Variants in EDARADD observed in about 807,000 individuals in gnomAD.
The protein encoded by EDARADD is EDAR associated via death domain.
A neutral mutation model predicts 25.6 loss-of-function variants in EDARADD; 20 were observed. That is an observed-to-expected ratio of 0.78 (90% CI 0.55 to 1.14). The LOEUF (loss-of-function observed/expected upper bound fraction) is 1.14. EDARADD is among the 50% of genes most tolerant of loss of function. The probability of loss-of-function intolerance (pLI) is 0.00; values close to 1 mark genes in which losing one functional copy is unlikely to be tolerated. For synonymous variants in EDARADD, 86 were observed against 94.4 expected, an observed-to-expected ratio of 0.91 and a Z score of 0.52; for missense variants, 225 against 270.1, an observed-to-expected ratio of 0.83 and a Z score of 1.17.
chr1:236,465,496 C>T (rs933901454), intron 4 of EDARADD, among the ~76,000 whole-genome samples: 48 of 152,196 alleles, frequency 3.2e-4, no homozygotes, highest in African/African-American at 1.1e-3. Context: ...GCCCAGATTT[C>T]AGCAGGGTCC....
At chr1:236,361,454 C>T (rs771093785) in intron 3 of EDARADD, among the ~76,000 whole-genome samples, 20 of 151,834 alleles carry the variant, frequency 1.3e-4, no homozygotes, top group Non-Finnish European at 2.1e-4. Flanking sequence ...CTCAGCCTCC[C>T]GAGTAACTGG....
intron 1 of EDARADD, 132 bp from the exon 2 acceptor site, chr1:236,409,084 A>G (rs908493796): frequency 3.9e-6 from 2 of 508,650 alleles, no homozygotes; most frequent in South Asian, 4.2e-5. Context: ...AAAAAAAAAA[A>G]AAAGGAGTAA....
At chr1:236,367,067 G>C (rs886685764) in intron 3 of EDARADD, among the ~76,000 whole-genome samples, 1 of 138,530 alleles carries the variant, frequency 7.2e-6, no homozygotes, top group Admixed American at 7.4e-5. Flanking sequence ...CTGGGCGACA[G>C]AGTGAGACTC....
chr1:236,391,199 T>C (rs1667422978), upstream of EDARADD, among the ~76,000 whole-genome samples: 2 of 152,092 alleles, frequency 1.3e-5, no homozygotes, highest in Admixed American at 6.6e-5. Context: ...AGCAATGCCC[T>C]GAAAGGCTGT....
At chr1:236,442,240 C>T (rs558102586) in intron 4 of EDARADD, among the ~76,000 whole-genome samples, 3 of 152,212 alleles carry the variant, frequency 2.0e-5, no homozygotes, top group East Asian at 3.9e-4. Flanking sequence ...ATTTTCGTGC[C>T]TCCACCTCCC....
At chr1:236,371,437 G>A (rs1667170980) in intron 3 of EDARADD, among the ~76,000 whole-genome samples, 1 of 151,872 alleles carries the variant, frequency 6.6e-6, no homozygotes, top group Non-Finnish European at 1.5e-5. Context: ...TTGTCTTATT[G>A]CCTTAGCTTG....
intron 4 of EDARADD, among the ~76,000 whole-genome samples, chr1:236,464,195 C>A (rs1300047040): frequency 6.6e-6 from 1 of 152,122 alleles, no homozygotes; most frequent in Non-Finnish European, 1.5e-5. Context: ...CTCGTCTACT[C>A]CTCACCAAAT....
intron 1 of EDARADD, among the ~76,000 whole-genome samples, chr1:236,401,808 C>T (rs555863486): frequency 1.9e-4 from 29 of 152,110 alleles, no homozygotes; most frequent in Non-Finnish European, 3.2e-4. Flanking sequence ...TAACTTTCTT[C>T]GGAAACAGAG....
intron 3 of EDARADD, among the ~76,000 whole-genome samples, chr1:236,373,476 G>T (rs746700118): frequency 2.0e-5 from 3 of 152,230 alleles, no homozygotes; most frequent in Non-Finnish European, 2.9e-5. Context: ...GAATTGCTGG[G>T]ATTACAGGCA....
intron 1 of EDARADD, among the ~76,000 whole-genome samples, chr1:236,404,336 T>A (rs1222153057): frequency 1.3e-5 from 2 of 152,176 alleles, no homozygotes; most frequent in African/African-American, 4.8e-5. Flanking sequence ...ATAACCAGGA[T>A]CTGCTCTCCT....
upstream of EDARADD, among the ~76,000 whole-genome samples, chr1:236,391,998 C>A (rs1048910054): frequency 6.6e-6 from 1 of 152,202 alleles, no homozygotes; most frequent in Non-Finnish European, 1.5e-5. Flanking sequence ...TTTAAACTTT[C>A]ATTTCTCCAG....
chr1:236,481,611 A>AG (rs1324400352), intron 5 of EDARADD, among the ~76,000 whole-genome samples: 2 of 151,196 alleles, frequency 1.3e-5, no homozygotes, highest in East Asian at 1.9e-4. Flanking sequence ...AAAAAAAAAA[A>AG]AAAGAAAGAA....
chr1:236,358,314 A>G (rs1483192166), intron 3 of EDARADD, among the ~76,000 whole-genome samples: 1 of 152,246 alleles, frequency 6.6e-6, no homozygotes, highest in African/African-American at 2.4e-5. Flanking sequence ...CTGTTGCCCA[A>G]TTCTACAATC....
chr1:236,458,625 G>C (rs959133325), intron 4 of EDARADD, among the ~76,000 whole-genome samples: 1 of 149,528 alleles, frequency 6.7e-6, no homozygotes, highest in African/African-American at 2.5e-5. Flanking sequence ...GTGTGTTTTT[G>C]GTATTTTTTC....
intron 4 of EDARADD, among the ~76,000 whole-genome samples, chr1:236,435,240 A>G (rs142923104): frequency 6.6e-6 from 1 of 152,344 alleles, no homozygotes; most frequent in Non-Finnish European, 1.5e-5. Context: ...AGGAGCTCAG[A>G]GGTAACTAGA....
chr1:236,374,700 T>C (rs181276986), intron 3 of EDARADD, among the ~76,000 whole-genome samples: 2 of 152,166 alleles, frequency 1.3e-5, no homozygotes, highest in South Asian at 4.1e-4. Flanking sequence ...TGAAGTCTGC[T>C]CTTTCAATAT....
chr1:236,380,677 A>G (rs1312843902), intron 3 of EDARADD, among the ~76,000 whole-genome samples: 1 of 152,200 alleles, frequency 6.6e-6, no homozygotes, highest in Non-Finnish European at 1.5e-5. Context: ...TTGCCCAGAA[A>G]TAGCCATTAT....
chr1:236,454,922 G>T (rs1658814376), intron 4 of EDARADD, among the ~76,000 whole-genome samples: 1 of 152,116 alleles, frequency 6.6e-6, no homozygotes, highest in Admixed American at 6.6e-5. Context: ...CCTTAAATTG[G>T]ATGGAAAGGC....
At chr1:236,353,801 G>A (rs1393242692) in intron 3 of EDARADD, among the ~76,000 whole-genome samples, 2 of 151,872 alleles carry the variant, frequency 1.3e-5, no homozygotes, top group Admixed American at 1.3e-4. Context: ...TTCATCATTT[G>A]GCTTTTCTAC....
Sources: gnomAD v4.1 joint callset for allele counts (sites outside exome capture counted in the v4.1 genomes callset) on GRCh38, gnomAD v4.1.1 for gene constraint, MANE v1.5 for transcripts, NCBI Gene and HGNC (gene_info 2026-07-23, HGNC 2026-07-21) for gene names.